The following MCPH1 variants were observed in gnomAD, a reference collection of about 807,000 sequenced individuals.
MCPH1 encodes microcephalin 1.
Under a neutral mutation model 84.5 loss-of-function variants are expected in MCPH1, and 104 were observed. That is an observed-to-expected ratio of 1.23 (90% confidence interval 1.05 to 1.45). The LOEUF (loss-of-function observed/expected upper bound fraction) is 1.45. MCPH1 is among the 40% of genes most tolerant of loss of function. MCPH1 has a pLI of 0.00. For missense variants in MCPH1, 1,498 were observed against 1,005.7 expected (o/e 1.49, Z -6.62); for synonymous variants, 514 against 366.8 (o/e 1.40, Z -4.58).
At chr8:6,458,487 G>GA (rs558051124) in intron 9 of MCPH1, among the ~76,000 whole-genome samples, 108 of 140,692 alleles carry the variant, frequency 7.7e-4, no homozygotes, top group African/African-American at 1.2e-3. Flanking sequence ...AAAAAAAAAA[G>GA]AAAAAAAAAA....
intron 5 of MCPH1, 80 bp from the exon 6 acceptor site, chr8:6,438,873 G>T (rs2129554919): frequency 7.5e-7 from 1 of 1,336,728 alleles, no homozygotes; most frequent in East Asian, 2.3e-5. Context: ...GGTGTGGGGG[G>T]TTGTTCTTTA....
chr8:6,406,803 T>A, intron 1 of MCPH1, 114 bp downstream of exon 1: 2 of 1,207,064 alleles, frequency 1.7e-6, no homozygotes, highest in South Asian at 2.6e-5. Flanking sequence ...CCTCCCTCGC[T>A]GCCTGTCTCC....
At chr8:6,625,361 C>T in intron 13 of MCPH1, 1 of 985,432 alleles carries the variant, frequency 1.0e-6, no homozygotes. Context: ...ATCATCCCTG[C>T]CCCTTCGACA....
intron 13 of MCPH1, among the ~76,000 whole-genome samples, chr8:6,633,595 T>C (rs1278169559): frequency 1.3e-5 from 2 of 152,134 alleles, no homozygotes; most frequent in East Asian, 3.8e-4. Context: ...ACACAGTTGA[T>C]TTAGCGTCCC....
At chr8:6,630,353 A>G (rs1797063559) in intron 13 of MCPH1, among the ~76,000 whole-genome samples, 1 of 152,252 alleles carries the variant, frequency 6.6e-6, no homozygotes. Context: ...ATCATAAGAG[A>G]GCATGATGAA....
At chr8:6,477,683 C>T in intron 10 of MCPH1, 52 bp downstream of exon 10, 2 of 1,503,686 alleles carry the variant, frequency 1.3e-6, no homozygotes, top group Non-Finnish European at 1.9e-6. Flanking sequence ...CCTTTTCTCT[C>T]TTATACTCTA....
chr8:6,452,357 T>G (rs1396035613), intron 8 of MCPH1, among the ~76,000 whole-genome samples: 2 of 152,194 alleles, frequency 1.3e-5, no homozygotes, highest in African/African-American at 4.8e-5. Flanking sequence ...CCAAACTAAT[T>G]TCCAAATGGT....
intron 11 of MCPH1, among the ~76,000 whole-genome samples, chr8:6,485,124 A>C (rs904349124): frequency 1.3e-5 from 2 of 152,118 alleles, no homozygotes; most frequent in African/African-American, 4.8e-5. Context: ...CAGCAGTTCA[A>C]GACCAGCCTG....
At chr8:6,500,395 A>G (rs1188426347) in intron 12 of MCPH1, 4 of 157,980 alleles carry the variant, frequency 2.5e-5, no homozygotes, top group Non-Finnish European at 5.6e-5. Flanking sequence ...ATTTTTTTTA[A>G]GATTAAGTAA....
intron 12 of MCPH1, among the ~76,000 whole-genome samples, chr8:6,587,866 T>C (rs747121902): frequency 2.0e-5 from 3 of 152,202 alleles, no homozygotes; most frequent in Admixed American, 1.3e-4. Context: ...CCTGACTCTA[T>C]TGGTGATGCA....
chr8:6,447,619 C>T (rs1364561447), intron 8 of MCPH1, among the ~76,000 whole-genome samples: 1 of 152,192 alleles, frequency 6.6e-6, no homozygotes, highest in Non-Finnish European at 1.5e-5. Flanking sequence ...GGCACAATCT[C>T]AGCTCACTGC....
chr8:6,427,676 G>T (rs932779766), intron 3 of MCPH1, among the ~76,000 whole-genome samples: 2 of 152,008 alleles, frequency 1.3e-5, no homozygotes, highest in Non-Finnish European at 2.9e-5. Context: ...TATTGCACCC[G>T]GCTCCTCCCA....
At chr8:6,577,469 C>T (rs1827215285) in intron 12 of MCPH1, among the ~76,000 whole-genome samples, 1 of 152,262 alleles carries the variant, frequency 6.6e-6, no homozygotes, top group Non-Finnish European at 1.5e-5. Flanking sequence ...CTAGTAAACA[C>T]ACTGGAACTT....
In MCPH1 at chr8:6,499,645, TGA is replaced by T. The variant is rs2129562274; in HGVS notation, c.2137-204_2137-203del. 9.5e-6 allele frequency: 5 copies of T among 528,318 alleles called. No homozygotes were observed. The East Asian group carries it at 1.6e-4, about 17-fold the overall frequency. The allele number at this position is 528,318 out of a possible 1,614,324, so 32.7% of individuals were successfully genotyped here. A position where few individuals can be genotyped will look rare whatever the true frequency, so the allele number is the denominator to read the frequency against. Reference sequence around the variant, plus strand: ...TAATGACTCAGATTTCTTGTTATCGTGAGACTTTTTCTCAATCAACTTTTTAT... The same window carrying T: ...TAATGACTCAGATTTCTTGTTATCGTGACTTTTTCTCAATCAACTTTTTAT... On this transcript the variant is annotated intron_variant, in intron 11 of 13. Transcript: ENST00000344683.
At chr8:6,579,818 G>C (rs763958338) in intron 12 of MCPH1, among the ~76,000 whole-genome samples, 1 of 152,176 alleles carries the variant, frequency 6.6e-6, no homozygotes, top group African/African-American at 2.4e-5. Flanking sequence ...AGGCTTTCTC[G>C]TTTATGCAGA....
At chr8:6,475,429 G>A (rs1303933872) in intron 9 of MCPH1, among the ~76,000 whole-genome samples, 1 of 152,332 alleles carries the variant, frequency 6.6e-6, no homozygotes, top group East Asian at 1.9e-4. Flanking sequence ...GTTTATGACT[G>A]CCTGACCATC....
chr8:6,477,297 C>T (rs1392375133), intron 9 of MCPH1: 2 of 372,542 alleles, frequency 5.4e-6, no homozygotes, highest in Non-Finnish European at 9.7e-6. Context: ...AAGACGTTGA[C>T]ACACTTGGAG....
intron 12 of MCPH1, among the ~76,000 whole-genome samples, chr8:6,592,623 GTTTTTTTTT>G (rs573651366): frequency 3.9e-5 from 3 of 77,558 alleles, no homozygotes; most frequent in African/African-American, 1.6e-4. Context: ...TCTTTTTTTT[GTTTTTTTTT>G]TTTTTTTTTT....
intron 12 of MCPH1, among the ~76,000 whole-genome samples, chr8:6,511,433 T>G (rs1815072856): frequency 6.6e-6 from 1 of 152,210 alleles, no homozygotes; most frequent in East Asian, 1.9e-4. Flanking sequence ...ATTTTTAAGA[T>G]TTAATGTACG....
Sources: gnomAD v4.1 joint callset for allele counts (sites outside exome capture counted in the v4.1 genomes callset) on GRCh38, gnomAD v4.1.1 for gene constraint, MANE v1.5 for transcripts, NCBI Gene and HGNC (gene_info 2026-07-23, HGNC 2026-07-21) for gene names.